RAB11FIP4: variants seen among roughly 807,000 people sequenced by gnomAD.
The protein encoded by RAB11FIP4 is RAB11 family interacting protein 4.
RAB11FIP4 carries 23 observed loss-of-function variants against 74.3 expected under a neutral mutation model. The observed-to-expected ratio is 0.31, with a 90% CI of 0.22 to 0.44. The LOEUF (loss-of-function observed/expected upper bound fraction) is 0.44, where lower values mean the gene tolerates loss of function less well. RAB11FIP4 is among the 20% of genes least tolerant of loss of function. RAB11FIP4 has a pLI of 1.00. For synonymous variants in RAB11FIP4, 360 were observed against 359.9 expected (o/e 1.00, Z 0.00); for missense variants, 630 against 863.9 (o/e 0.73, Z 3.39).
intron 3 of RAB11FIP4, among the ~76,000 whole-genome samples, chr17:31,485,919 G>A (rs1359187098): frequency 6.6e-6 from 1 of 152,042 alleles, no homozygotes; most frequent in Non-Finnish European, 1.5e-5. Context: ...CACCACATAG[G>A]TACTCTTATT....
intron 3 of RAB11FIP4, among the ~76,000 whole-genome samples, chr17:31,480,695 C>T (rs1307639764): frequency 6.8e-6 from 1 of 146,724 alleles, no homozygotes; most frequent in Non-Finnish European, 1.5e-5. Context: ...GGCTGAGGCA[C>T]GAGTATCGCT....
chr17:31,399,846 C>T (rs965306145), intron 1 of RAB11FIP4, among the ~76,000 whole-genome samples: 1 of 151,978 alleles, frequency 6.6e-6, no homozygotes, highest in African/African-American at 2.4e-5. Flanking sequence ...GAGTTCAAGA[C>T]CACCCTGGCC....
intron 1 of RAB11FIP4, among the ~76,000 whole-genome samples, chr17:31,400,235 G>T (rs1382777665): frequency 6.6e-6 from 1 of 152,170 alleles, no homozygotes; most frequent in African/African-American, 2.4e-5. Flanking sequence ...CATTAGTGCC[G>T]AAACAAAAGC....
At chr17:31,496,134 G>A (rs990326871) in intron 3 of RAB11FIP4, among the ~76,000 whole-genome samples, 1 of 152,222 alleles carries the variant, frequency 6.6e-6, no homozygotes, top group Non-Finnish European at 1.5e-5. Context: ...AATTTGTCCA[G>A]TTCCTCCAAG....
chr17:31,450,431 G>A (rs943796616), intron 3 of RAB11FIP4, among the ~76,000 whole-genome samples: 9 of 151,562 alleles, frequency 5.9e-5, no homozygotes, highest in Admixed American at 1.3e-4. Context: ...TGCAACCTCC[G>A]CCTCCGGGGT....
intron 4 of RAB11FIP4, among the ~76,000 whole-genome samples, chr17:31,520,413 CTCCTT>C (rs2142814266): frequency 6.6e-6 from 1 of 152,088 alleles, no homozygotes; most frequent in East Asian, 1.9e-4. Flanking sequence ...TTTTTTTCCT[CTCCTT>C]AAAGTGAAAG....
chr17:31,514,662 G>C (rs2072514040), intron 3 of RAB11FIP4, among the ~76,000 whole-genome samples: 1 of 152,246 alleles, frequency 6.6e-6, no homozygotes, highest in Non-Finnish European at 1.5e-5. Context: ...TACCCGTGTG[G>C]CCAGGAAGGT....
At position 31,533,822 on chromosome 17, in the gene RAB11FIP4, G is replaced by A. The variant is rs575106455; in HGVS notation, c.*2090G>A. 137 of 152,336 alleles carry A rather than the reference G, an allele frequency of 9.0e-4. No homozygotes were observed. Among genetic ancestry groups the A allele is most frequent in the African/African-American group, 3.2e-3 (135 of 41,566 alleles). 9.4% of individuals were successfully genotyped at this position (152,336 alleles called of 1,614,324 possible). ...AGGGGCGCCATGGGAACAGGCTCCG[G>A]AGGGAGCCGGCGTCTGAAAGGCCCC... On this transcript the variant is annotated 3_prime_UTR_variant, in exon 15 of 15. Transcript: ENST00000621161.
At chr17:31,517,969 T>A in intron 4 of RAB11FIP4, 92 bp downstream of exon 4, 1 of 1,020,964 alleles carries the variant, frequency 9.8e-7, no homozygotes, top group East Asian at 2.6e-5. Flanking sequence ...ATTTGAAACA[T>A]GCTCAAAATT....
intron 1 of RAB11FIP4, among the ~76,000 whole-genome samples, chr17:31,398,223 A>C (rs2070949464): frequency 6.6e-6 from 1 of 152,080 alleles, no homozygotes; most frequent in East Asian, 1.9e-4. Context: ...TATTTTTAGT[A>C]GAGACAGGGT....
intron 8 of RAB11FIP4, 101 bp from the exon 9 acceptor site, chr17:31,523,792 A>G: frequency 2.9e-5 from 30 of 1,040,310 alleles, no homozygotes; most frequent in Non-Finnish European, 4.3e-5. Flanking sequence ...TCTCAGATAC[A>G]CAGTGGTTTG....
chr17:31,499,012 G>A (rs547672213), intron 3 of RAB11FIP4, among the ~76,000 whole-genome samples: 117 of 152,206 alleles, frequency 7.7e-4, no homozygotes, highest in African/African-American at 2.5e-3. Flanking sequence ...ATAGCTGCCC[G>A]TTCCAAGAAC....
chr17:31,475,961 A>G (rs756661495), intron 3 of RAB11FIP4, among the ~76,000 whole-genome samples: 2 of 152,164 alleles, frequency 1.3e-5, no homozygotes, highest in Non-Finnish European at 2.9e-5. Context: ...AATGTTAATG[A>G]ATCAACAATA....
At position 31,483,297 on chromosome 17, in the gene RAB11FIP4, C is replaced by T. The variant is rs114336635; in HGVS notation, c.337-34354C>T. Among the ~76,000 whole-genome samples, 1,287 of 151,580 alleles carry T rather than the reference C, an allele frequency of 8.5e-3. 17 individuals are homozygous for T. The highest frequency in any genetic ancestry group is 0.029 in the African/African-American group (1,197 of 41,310). On this transcript the variant is annotated intron_variant, in intron 3 of 14. Transcript: ENST00000621161. Reference sequence around the variant, plus strand: ...AGATGGACCAGGTTTGACTGATGCTCACAGTCCTGATTAATGACTGGTGTC... The same window carrying T: ...AGATGGACCAGGTTTGACTGATGCTTACAGTCCTGATTAATGACTGGTGTC...
At chr17:31,416,550 G>A (rs947451274) in intron 1 of RAB11FIP4, among the ~76,000 whole-genome samples, 19 of 152,208 alleles carry the variant, frequency 1.2e-4, no homozygotes, top group Non-Finnish European at 2.5e-4. Context: ...CCTGGGGGTG[G>A]CGGCTCCAGA....
intron 3 of RAB11FIP4, among the ~76,000 whole-genome samples, chr17:31,499,155 T>G (rs1287284320): frequency 2.6e-5 from 4 of 152,154 alleles, no homozygotes; most frequent in African/African-American, 7.2e-5. Flanking sequence ...GAACTGGAGC[T>G]TCCGGTAGGC....
intron 1 of RAB11FIP4, among the ~76,000 whole-genome samples, chr17:31,397,874 CTTT>C (rs1267977554): frequency 7.0e-6 from 1 of 142,104 alleles, no homozygotes; most frequent in African/African-American, 2.6e-5. Flanking sequence ...ACGCCCCTGC[CTTT>C]TTTTTTTTTT....
chr17:31,394,902 C>A (rs1011133414), intron 1 of RAB11FIP4, among the ~76,000 whole-genome samples: 1 of 102,846 alleles, frequency 9.7e-6, no homozygotes, highest in Non-Finnish European at 1.7e-5. Flanking sequence ...ATTAAAAAAT[C>A]GGAGTGTTGT....
At chr17:31,525,433 C>G in intron 10 of RAB11FIP4, 1 of 599,072 alleles carries the variant, frequency 1.7e-6, no homozygotes, top group South Asian at 2.1e-5. Flanking sequence ...AAGGAATGTT[C>G]CCAGGAGCGT....
Sources: allele counts gnomAD v4.1 joint callset (sites outside exome capture counted in the v4.1 genomes callset), GRCh38; gene constraint gnomAD v4.1.1; transcripts MANE v1.5; gene names NCBI Gene and HGNC (gene_info 2026-07-23, HGNC 2026-07-21).